Variants in ZNF831 observed in about 807,000 individuals in gnomAD.
ZNF831 encodes zinc finger protein 831.
In ZNF831, 59 loss-of-function variants were observed where a neutral mutation model predicts 95.8. That is an observed-to-expected ratio of 0.62 (90% CI 0.50 to 0.77). The LOEUF (loss-of-function observed/expected upper bound fraction) is 0.77, where lower values mean the gene tolerates loss of function less well. Among genes scored for constraint, ZNF831 ranks in the 30% least tolerant of loss-of-function variants. The pLI, the probability that ZNF831 is intolerant of heterozygous loss-of-function variation, is 0.00. For synonymous variants in ZNF831, 961 were observed against 925.5 expected, an observed-to-expected ratio of 1.04 and a Z score of -0.70; for missense variants, 2,205 against 2,164.0, an observed-to-expected ratio of 1.02 and a Z score of -0.38.
intron 1 of ZNF831, among the ~76,000 whole-genome samples, chr20:59,128,331 T>A (rs557853605): frequency 1.3e-5 from 2 of 152,236 alleles, no homozygotes; most frequent in African/African-American, 4.8e-5. Context: ...CCTGCAAGGG[T>A]ATGGAACACT....
At chr20:59,210,117 C>T (rs118033964) in intron 4 of ZNF831, among the ~76,000 whole-genome samples, 21 of 152,310 alleles carry the variant, frequency 1.4e-4, no homozygotes, top group Non-Finnish European at 2.4e-4. Context: ...ACAAAAAAGG[C>T]AGGGACACAC....
At chr20:59,203,801 A>C (rs894838474) in intron 3 of ZNF831, among the ~76,000 whole-genome samples, 9 of 152,188 alleles carry the variant, frequency 5.9e-5, no homozygotes, top group Non-Finnish European at 1.3e-4. Flanking sequence ...GAGATTAGAA[A>C]ATGCAGGATC....
In ZNF831 at chr20:59,184,671, T is replaced by A. The variant is rs551918843; in HGVS notation, c.-36-6313T>A. Among the ~76,000 whole-genome samples the A allele has an allele frequency of 3.9e-5, 6 of 152,330 alleles. No homozygotes were observed. In the East Asian group the frequency reaches 1.2e-3, roughly 29 times the overall value. On this transcript the variant is annotated intron_variant, in intron 1 of 5. Coordinates refer to ENST00000371030, the MANE Select transcript of ZNF831 (RefSeq NM_178457.3). ...GGGAAACTTGTAACTACACCAGCCA[T>A]CTTAGTACCCAAGTTCTATCTGCTA... is the stretch of plus-strand genomic sequence containing the variant.
At chr20:59,138,487 C>A (rs992887116) in intron 1 of ZNF831, among the ~76,000 whole-genome samples, 1 of 152,230 alleles carries the variant, frequency 6.6e-6, no homozygotes, top group Non-Finnish European at 1.5e-5. Flanking sequence ...TCACTGCACT[C>A]TTGCTTGCTC....
At chr20:59,184,123 A>C (rs747590465) in intron 1 of ZNF831, among the ~76,000 whole-genome samples, 1 of 152,208 alleles carries the variant, frequency 6.6e-6, no homozygotes, top group South Asian at 2.1e-4. Context: ...GAACCACACA[A>C]GACAAAGTCT....
Position 59,253,890 on chromosome 20 carries a change from T to C in ZNF831, c.4189-8T>C. 7 of 1,054,262 alleles carry C rather than the reference T, an allele frequency of 6.6e-6. No homozygotes were observed. Among genetic ancestry groups the C allele is most frequent in the Non-Finnish European group, 9.2e-6 (7 of 758,604 alleles). The allele number at this position is 1,054,262 out of a possible 1,614,324, so 65.3% of individuals were successfully genotyped here. On this transcript the variant is annotated splice_polypyrimidine_tract_variant and splice_region_variant and intron_variant, in intron 5 of 5. Transcript: ENST00000371030. ...CCCACTTTTTTTTTCCTTTGCACTT[T>C]GTTGCAGGATATTTCTCCATCTGCT...
chr20:59,219,577 G>T (rs939123904), intron 4 of ZNF831, among the ~76,000 whole-genome samples: 2 of 152,126 alleles, frequency 1.3e-5, no homozygotes, highest in African/African-American at 4.8e-5. Flanking sequence ...CAGGGGGTGG[G>T]GCATGCTTCC....
intron 4 of ZNF831, among the ~76,000 whole-genome samples, chr20:59,230,271 A>G (rs548162205): frequency 6.6e-6 from 1 of 152,296 alleles, no homozygotes; most frequent in Non-Finnish European, 1.5e-5. Context: ...GAAAACAGCT[A>G]CAGACAAAAA....
At position 59,191,765 on chromosome 20, in the gene ZNF831, G is replaced by T. The variant is rs2146553306; in HGVS notation, c.746G>T (p.Gly249Val). The part of the protein sequence containing the change: ...EGASERPLSP[G>V]AHVPLLAKNL... ...GCCTCGGAGAGACCCCTTTCTCCGG[G>T]TGCCCACGTGCCCCTACTTGCCAAG... The change falls in exon 2 of 6, where the codon GGT (glycine) becomes GTT (valine). Residue 249 changes from glycine to valine, a missense_variant. Coordinates refer to ENST00000371030, the MANE Select transcript of ZNF831 (RefSeq NM_178457.3). The T allele has an allele frequency of 6.2e-7, 1 of 1,609,670 alleles. No individual in the cohort carries two copies.
intron 4 of ZNF831, among the ~76,000 whole-genome samples, chr20:59,220,152 A>G (rs1390381114): frequency 6.6e-6 from 1 of 152,174 alleles, no homozygotes; most frequent in East Asian, 1.9e-4. Flanking sequence ...GAGGGCCACA[A>G]ATGAATCCTG....
intron 2 of ZNF831, among the ~76,000 whole-genome samples, chr20:59,155,347 C>T (rs1980479301): frequency 6.6e-6 from 1 of 152,184 alleles, no homozygotes; most frequent in Admixed American, 6.5e-5. Flanking sequence ...CATGAATGCA[C>T]TAATATTTTT....
intron 4 of ZNF831, among the ~76,000 whole-genome samples, chr20:59,236,577 T>G (rs74558045): frequency 2.0e-5 from 3 of 150,530 alleles, no homozygotes; most frequent in African/African-American, 7.4e-5. Context: ...TTTTTTTTTT[T>G]CAGAGGTGGG....
chr20:59,246,029 C>G (rs1189669342), intron 4 of ZNF831, among the ~76,000 whole-genome samples: 1 of 152,148 alleles, frequency 6.6e-6, no homozygotes, highest in Non-Finnish European at 1.5e-5. Context: ...GCTTTGTTCA[C>G]TTTGGTTTTC....
chr20:59,205,130 C>A (rs563844088), intron 3 of ZNF831, among the ~76,000 whole-genome samples: 2 of 152,160 alleles, frequency 1.3e-5, no homozygotes, highest in East Asian at 3.9e-4. Flanking sequence ...CAAACTGTGC[C>A]GTTCTTAACA....
Position 59,259,027 on chromosome 20 carries a change from G to T in ZNF831, c.*4284G>T, listed in dbSNP as rs1988302550. On this transcript the variant is annotated 3_prime_UTR_variant, in exon 6 of 6. Transcript: ENST00000371030. The stretch of plus-strand genomic sequence containing the variant: ...ATTGGTTGTTCACAATCAGGGAAAT[G>T]ATTGGCTTCTTGGTTGTTTGTTGAA... 1 of 152,170 alleles carries T rather than the reference G, an allele frequency of 6.6e-6. No homozygotes were observed. The highest frequency in any genetic ancestry group is 1.5e-5 in the Non-Finnish European group (1 of 68,022). The allele number at this position is 152,170 out of a possible 1,614,324, so 9.4% of individuals were successfully genotyped here. A position where few individuals can be genotyped will look rare whatever the true frequency, so the allele number is the denominator to read the frequency against.
intron 3 of ZNF831, among the ~76,000 whole-genome samples, chr20:59,205,578 A>G (rs1946015360): frequency 6.6e-6 from 1 of 152,238 alleles, no homozygotes; most frequent in African/African-American, 2.4e-5. Context: ...TGCATTCTGT[A>G]GATCTTATTT....
rs2146775166 is a variant in ZNF831, at chr20:59,254,803, T to A, written c.*60T>A. The A allele has an allele frequency of 6.5e-7, 1 of 1,538,830 alleles. No homozygotes were observed. The highest frequency in any genetic ancestry group is 8.7e-7 in the Non-Finnish European group (1 of 1,148,536). On this transcript the variant is annotated 3_prime_UTR_variant, in exon 6 of 6. Transcript: ENST00000371030. This position sits in a 1 kb window ranked among gnomAD's most constrained non-coding sequence, Gnocchi z 4.5. ...ACTGTTGACGCTTCACAAGTAAATG[T>A]TGTCAGGCTGGCGGAAGAACTAAAC...
At chr20:59,171,399 T>C (rs1981723836) in intron 1 of ZNF831, among the ~76,000 whole-genome samples, 1 of 152,254 alleles carries the variant, frequency 6.6e-6, no homozygotes, top group Non-Finnish European at 1.5e-5. Flanking sequence ...GCACAGTCTA[T>C]CCCTTTGCCT....
rs2146553636 is a variant in ZNF831, at chr20:59,191,782, C to T, written c.763C>T (p.Leu255Phe). 1.9e-6 allele frequency: 3 copies of T among 1,612,266 alleles called. No individual in the cohort carries two copies. The highest frequency in any genetic ancestry group is 2.5e-6 in the Non-Finnish European group (3 of 1,179,398). The change falls in exon 2 of 6, where the codon CTT becomes TTT. Residue 255 changes from leucine to phenylalanine, a missense_variant. Coordinates refer to ENST00000371030, the MANE Select transcript of ZNF831 (RefSeq NM_178457.3). ...TTCTCCGGGTGCCCACGTGCCCCTA[C>T]TTGCCAAGAACCTGGATGTGAGGAC... Reference protein sequence around the residue: ...PLSPGAHVPLLAKNLDVRTEA... With the variant: ...PLSPGAHVPLFAKNLDVRTEA...
Sources: allele counts gnomAD v4.1 joint callset (sites outside exome capture counted in the v4.1 genomes callset), GRCh38; gene constraint gnomAD v4.1.1; non-coding constraint Gnocchi (gnomAD v3.1); transcripts MANE v1.5; gene names NCBI Gene and HGNC (gene_info 2026-07-23, HGNC 2026-07-21).